The following TSC1 variants were observed in gnomAD, a reference collection of about 807,000 sequenced individuals.
TSC1 encodes TSC complex subunit 1.
TSC1 carries 20 observed loss-of-function variants against 124.3 expected under a neutral mutation model. The observed-to-expected ratio is 0.16, with a 90% CI of 0.11 to 0.23. The LOEUF (loss-of-function observed/expected upper bound fraction) is 0.23, where lower values mean the gene tolerates loss of function less well. TSC1 is among the 10% of genes least tolerant of loss of function. TSC1 has a pLI of 1.00. For missense variants in TSC1, 1,124 were observed against 1,448.5 expected, an observed-to-expected ratio of 0.78 and a Z score of 3.64; for synonymous variants, 493 against 539.1, an observed-to-expected ratio of 0.91 and a Z score of 1.19.
chr9:132,910,004 T>C (rs1408207781), intron 12 of TSC1: 2 of 158,418 alleles, frequency 1.3e-5, no homozygotes, highest in South Asian at 1.9e-4. Flanking sequence ...AGTGTTACTA[T>C]GAAGGTGGGT....
intron 8 of TSC1, among the ~76,000 whole-genome samples, chr9:132,916,877 A>G (rs906887830): frequency 6.6e-6 from 1 of 152,178 alleles, no homozygotes; most frequent in African/African-American, 2.4e-5. Context: ...AACGGTCATG[A>G]TCAGGCCCCA....
At chr9:132,927,929 C>T (rs1279406694) in intron 3 of TSC1, among the ~76,000 whole-genome samples, 1 of 152,152 alleles carries the variant, frequency 6.6e-6, no homozygotes, top group East Asian at 1.9e-4. Context: ...TCACCACCTG[C>T]CTCCCAACCC....
chr9:132,903,514 A>C lies in TSC1; in HGVS notation c.2208+137T>G. On this transcript the variant is annotated intron_variant, in intron 17 of 22. Coordinates refer to ENST00000298552, the MANE Select transcript of TSC1 (RefSeq NM_000368.5). The surrounding 1 kb of genome is among the most constrained non-coding windows in gnomAD (Gnocchi z 5.9). ...TCCGAGGTGTCACCATTCATGTCTTAATCTCAAGCGACCTGCCCAAAGGAG... is the reference window on the plus strand; with the variant it reads ...TCCGAGGTGTCACCATTCATGTCTTCATCTCAAGCGACCTGCCCAAAGGAG... 1 of 1,232,326 alleles carries C rather than the reference A, an allele frequency of 8.1e-7. No individual in the cohort carries two copies. The allele number at this position is 1,232,326 out of a possible 1,614,324, so 76.3% of individuals were successfully genotyped here. A position where few individuals can be genotyped will look rare whatever the true frequency, so the allele number is the denominator to read the frequency against.
intron 3 of TSC1, among the ~76,000 whole-genome samples, chr9:132,928,101 C>G (rs925289536): frequency 2.6e-5 from 4 of 152,142 alleles, no homozygotes; most frequent in Non-Finnish European, 5.9e-5. Context: ...CACCTTCCCA[C>G]GTCAGCATCT....
intron 12 of TSC1, chr9:132,910,363 G>T: frequency 1.2e-6 from 1 of 801,940 alleles, no homozygotes; most frequent in Non-Finnish European, 2.0e-6. Context: ...CCCCACAAGA[G>T]TTCTGCCAAA....
Position 132,906,829 on chromosome 9 carries a change from G to A in TSC1, c.1340C>T (p.Pro447Leu), listed in dbSNP as rs772868048. Reference protein sequence around the residue: ...HLLNDRGSEEPPGSKGSVTLS... With the variant: ...HLLNDRGSEELPGSKGSVTLS... ...AGTGACAGAACCTTTGCTGCCAGGTGGCTCTTCTGAAGAGAAACAAAGACA... is the reference window on the plus strand; with the variant it reads ...AGTGACAGAACCTTTGCTGCCAGGTAGCTCTTCTGAAGAGAAACAAAGACA... The change falls in exon 14 of 23, where the codon CCA becomes CTA. Residue 447 changes from proline to leucine, a missense_variant. Pro to Leu is a moderately conservative substitution (Grantham distance 98). Coordinates refer to ENST00000298552, the MANE Select transcript of TSC1 (RefSeq NM_000368.5). This position sits in a 1 kb window ranked among gnomAD's most constrained non-coding sequence, Gnocchi z 4.1. The A allele has an allele frequency of 1.9e-6, 3 of 1,613,980 alleles. No individual in the cohort carries two copies. Among genetic ancestry groups the A allele is most frequent in the Non-Finnish European group, 2.5e-6 (3 of 1,179,976 alleles).
chr9:132,927,767 C>T (rs1329997332), intron 3 of TSC1, among the ~76,000 whole-genome samples: 7 of 152,130 alleles, frequency 4.6e-5, no homozygotes, highest in Admixed American at 3.9e-4. Flanking sequence ...CCTTGTGATC[C>T]GCCCGCCTCG....
At chr9:132,910,787 A>T in intron 11 of TSC1, 95 bp from the exon 12 acceptor site, 3 of 1,570,434 alleles carry the variant, frequency 1.9e-6, no homozygotes, top group Non-Finnish European at 2.6e-6. Flanking sequence ...CTATAAATAA[A>T]GCTGCTAGAG....
rs201867031 is a variant in TSC1, at chr9:132,896,302, G to A, written c.3428C>T (p.Pro1143Leu). 43 of 1,614,044 alleles carry A rather than the reference G, an allele frequency of 2.7e-5. No homozygotes were observed. Among genetic ancestry groups the A allele is most frequent in the East Asian group, 1.6e-4 (7 of 44,886 alleles). The change falls in exon 23 of 23, where the codon CCG (proline) becomes CTG (leucine). Residue 1143 changes from proline (P) to leucine (L), a missense_variant. Physicochemically the swap from Pro to Leu is moderately conservative, Grantham distance 98. Coordinates refer to ENST00000298552, the MANE Select transcript of TSC1 (RefSeq NM_000368.5). This position sits in a 1 kb window ranked among gnomAD's most constrained non-coding sequence, Gnocchi z 4.5. ...TAGCTGTCCAACACTGTCCGGGGTC[G>A]GGGGAGACGGGTGAGGGCCATCTAG... ...LNLDGPHPSPPTPDSVGQLHI... is the reference protein window; with the variant it reads ...LNLDGPHPSPLTPDSVGQLHI...
intron 12 of TSC1, 144 bp from the exon 13 acceptor site, chr9:132,907,514 A>C (rs1324691209): frequency 1.4e-6 from 1 of 727,924 alleles, no homozygotes; most frequent in Non-Finnish European, 2.4e-6. Context: ...TTTGAGGTGG[A>C]GTTTCGCTCT....
Position 132,895,355 on chromosome 9 carries a change from T to C in TSC1, c.*880A>G, listed in dbSNP as rs1844975536. ...TAACAAAAGGCCCAGCAAGCTGAGA[T>C]GGCCTAAAGGTGCAGTTCCTCATGC... On this transcript the variant is annotated 3_prime_UTR_variant, in exon 23 of 23. Coordinates refer to ENST00000298552, the MANE Select transcript of TSC1 (RefSeq NM_000368.5). 1 of 233,374 alleles carries C rather than the reference T, an allele frequency of 4.3e-6. No homozygotes were observed. The highest frequency in any genetic ancestry group is 1.8e-4 in the South Asian group (1 of 5,530). The allele number at this position is 233,374 out of a possible 1,614,324, so 14.5% of individuals were successfully genotyped here.
At position 132,927,291 on chromosome 9, in the gene TSC1, C is replaced by A. The variant is rs1480174819; in HGVS notation, c.120G>T (p.Met40Ile). The A allele has an allele frequency of 6.2e-7, 1 of 1,613,682 alleles. No individual in the cohort carries two copies. Among genetic ancestry groups the A allele is most frequent in the East Asian group, 2.2e-5 (1 of 44,886 alleles). Residue 40 changes from methionine to isoleucine, a missense_variant, in exon 4 of 23, where the codon ATG becomes ATT. Met to Ile is a conservative substitution (Grantham distance 10). Coordinates refer to ENST00000298552, the MANE Select transcript of TSC1 (RefSeq NM_000368.5). ...AATAATCCACCAAGGTGTTTACAAG[C>A]ATAGGGCCACGGTCTAAATCAAGAA... ...KENLNSDRGP[M>I]LVNTLVDYYL... is the part of the protein sequence containing the mutation.
intron 16 of TSC1, 90 bp downstream of exon 16, chr9:132,904,321 T>A: frequency 7.0e-7 from 1 of 1,436,882 alleles, no homozygotes; most frequent in Non-Finnish European, 9.7e-7. Flanking sequence ...GAGATCTGTT[T>A]CCCAGAGGGC....
At chr9:132,897,039 G>C in intron 22 of TSC1, 145 bp downstream of exon 22, 1 of 1,379,110 alleles carries the variant, frequency 7.3e-7, no homozygotes, top group Non-Finnish European at 1.0e-6. Context: ...GGAAAGGAAC[G>C]TCAGAGTGGG....
chr9:132,917,757 C>T (rs906481714), intron 8 of TSC1, among the ~76,000 whole-genome samples: 60 of 152,308 alleles, frequency 3.9e-4, no homozygotes, highest in Middle Eastern at 3.4e-3. Flanking sequence ...ACCTATATCT[C>T]AGAAAAGTAT....
At position 132,926,203 on chromosome 9, in the gene TSC1, C is replaced by T. The variant is rs950799375; in HGVS notation, c.211-464G>A. On this transcript the variant is annotated intron_variant, in intron 4 of 22. Coordinates refer to ENST00000298552, the MANE Select transcript of TSC1 (RefSeq NM_000368.5). ...ACGGGCCAGGCGCAGTGGCTCATGC[C>T]GGCAATCCCTGCACTTTGGGAGGCT... 2.9e-5 allele frequency: 6 copies of T among 207,900 alleles called. No individual in the cohort carries two copies. The East Asian group carries it at 6.2e-4, about 22-fold the overall frequency. The allele number at this position is 207,900 out of a possible 1,614,324, so 12.9% of individuals were successfully genotyped here. A position where few individuals can be genotyped will look rare whatever the true frequency, so the allele number is the denominator to read the frequency against.
At chr9:132,898,798 C>T (rs1845219435) in intron 20 of TSC1, among the ~76,000 whole-genome samples, 2 of 152,246 alleles carry the variant, frequency 1.3e-5, no homozygotes, top group South Asian at 4.1e-4. Flanking sequence ...AAGAGCAACC[C>T]TAGCTCCAGG....
Position 132,892,449 on chromosome 9 carries a change from GTA to G in TSC1, c.*3784_*3785del, listed in dbSNP as rs1844822615. Reference sequence around the variant, plus strand: ...TGGAGAGTGAAGGTGCAGCAGATAGGTATACTGATTTGAGTCACTCCACACCA... The same window carrying G: ...TGGAGAGTGAAGGTGCAGCAGATAGGTACTGATTTGAGTCACTCCACACCA... On this transcript the variant is annotated 3_prime_UTR_variant, in exon 23 of 23. Transcript: ENST00000298552. 1 of 233,346 alleles carries G rather than the reference GTA, an allele frequency of 4.3e-6. No homozygotes were observed. Among genetic ancestry groups the G allele is most frequent in the African/African-American group, 2.2e-5 (1 of 45,474 alleles). The allele number at this position is 233,346 out of a possible 1,614,324, so 14.5% of individuals were successfully genotyped here.
rs1450046675 is a variant in TSC1, at chr9:132,891,541, C to T, written c.*4694G>A. ...TGTTGACATGCTTTTAGGATTGAGG[C>T]GGGAAAGTTTAGACCTTTTGACAAG... is the stretch of plus-strand genomic sequence containing the variant. On this transcript the variant is annotated 3_prime_UTR_variant, in exon 23 of 23. Transcript: ENST00000298552. 1 of 233,088 alleles carries T rather than the reference C, an allele frequency of 4.3e-6. No homozygotes were observed. The highest frequency in any genetic ancestry group is 2.2e-5 in the African/African-American group (1 of 45,256). The allele number at this position is 233,088 out of a possible 1,614,324, so 14.4% of individuals were successfully genotyped here.
Sources: allele counts gnomAD v4.1 joint callset (sites outside exome capture counted in the v4.1 genomes callset), GRCh38; gene constraint gnomAD v4.1.1; non-coding constraint Gnocchi (gnomAD v3.1); transcripts MANE v1.5; gene names NCBI Gene and HGNC (gene_info 2026-07-23, HGNC 2026-07-21).